Variants in FRMPD1 observed in about 807,000 individuals in gnomAD.
FRMPD1 encodes FERM and PDZ domain containing 1.
A neutral mutation model predicts 117.8 loss-of-function variants in FRMPD1; 76 were observed. The ratio of observed to expected loss-of-function variants is 0.65; its 90% CI spans 0.54 to 0.78. The LOEUF is 0.78. FRMPD1 is among the 30% of genes least tolerant of loss of function. FRMPD1 has a pLI of 0.00. For synonymous variants in FRMPD1, 783 were observed against 770.4 expected (o/e 1.02, Z -0.27); for missense variants, 1,786 against 1,964.5 (o/e 0.91, Z 1.72).
At chr9:37,615,039 A>T in the FRMPD1 span, among the ~76,000 whole-genome samples, 2 of 152,280 alleles carry the variant, frequency 1.3e-5, no homozygotes, top group East Asian at 3.9e-4. Flanking sequence ...CTCCTTCTTA[A>T]CCAGAGCCCC....
intron 1 of FRMPD1, among the ~76,000 whole-genome samples, chr9:37,684,480 AACC>A (rs1471976795): frequency 6.6e-6 from 1 of 152,204 alleles, no homozygotes; most frequent in African/African-American, 2.4e-5. Flanking sequence ...GATGAAGGGG[AACC>A]ACTGGGGGAT....
intron 7 of FRMPD1, among the ~76,000 whole-genome samples, chr9:37,724,575 C>G (rs560936761): frequency 6.6e-6 from 1 of 152,094 alleles, no homozygotes; most frequent in Admixed American, 6.5e-5. Context: ...AGTGACTTGC[C>G]CAAAGGTCAG....
intron 1 of FRMPD1, among the ~76,000 whole-genome samples, chr9:37,689,929 T>C (rs1448371700): frequency 6.6e-6 from 1 of 152,168 alleles, no homozygotes; most frequent in African/African-American, 2.4e-5. Context: ...TCTCTGGAAG[T>C]TTAGAAGATA....
At chr9:37,708,671 A>C (rs1297669167) in intron 4 of FRMPD1, among the ~76,000 whole-genome samples, 170 bp downstream of exon 4, 1 of 152,196 alleles carries the variant, frequency 6.6e-6, no homozygotes, top group Non-Finnish European at 1.5e-5. Flanking sequence ...GCTTCTTGTT[A>C]GTGGCTGTTA....
chr9:37,725,751 T>C (rs1263709700), intron 7 of FRMPD1, among the ~76,000 whole-genome samples: 3 of 152,188 alleles, frequency 2.0e-5, no homozygotes, highest in African/African-American at 4.8e-5. Context: ...AAGTAACTAG[T>C]GTTATCCCCA....
intron 13 of FRMPD1, among the ~76,000 whole-genome samples, chr9:37,736,501 C>T (rs1824132125): frequency 6.8e-6 from 1 of 146,818 alleles, no homozygotes; most frequent in African/African-American, 2.5e-5. Context: ...CATTGCACTC[C>T]AGCCTGGTGA....
the FRMPD1 span, among the ~76,000 whole-genome samples, chr9:37,639,530 A>G: frequency 3.3e-5 from 5 of 152,204 alleles, no homozygotes; most frequent in Non-Finnish European, 7.3e-5. Flanking sequence ...GAAGACATAC[A>G]TTATGTCTCC....
intron 1 of FRMPD1, among the ~76,000 whole-genome samples, chr9:37,689,027 C>G (rs1017265046): frequency 6.6e-6 from 1 of 152,004 alleles, no homozygotes; most frequent in African/African-American, 2.4e-5. Flanking sequence ...TGCCCCACTC[C>G]TCCTCACCCT....
At chr9:37,743,520 CTTTTTTTTTTTTTTTTTTTTT>C (rs531949141) in intron 15 of FRMPD1, among the ~76,000 whole-genome samples, 816 of 40,934 alleles carry the variant, frequency 0.02, 13 homozygotes, top group African/African-American at 0.053. Flanking sequence ...AATGGCTCTG[CTTTTTTTTTTTTTTTTTTTTT>C]TTTTTTTTTT....
At chr9:37,636,849 C>T in the FRMPD1 span, 1 of 1,611,684 alleles carries the variant, frequency 6.2e-7, no homozygotes, top group East Asian at 2.2e-5. Context: ...GCACTCGTCT[C>T]CAAGAAGGGG....
the FRMPD1 span, among the ~76,000 whole-genome samples, chr9:37,610,256 A>G: frequency 6.6e-6 from 1 of 152,198 alleles, no homozygotes; most frequent in African/African-American, 2.4e-5. Flanking sequence ...ATAATGATCA[A>G]ATCAGAGTCA....
chr9:37,630,120 C>T, the FRMPD1 span, among the ~76,000 whole-genome samples: 1 of 152,202 alleles, frequency 6.6e-6, no homozygotes, highest in Non-Finnish European at 1.5e-5. Flanking sequence ...AAGGCCCCAC[C>T]TTCTAAATCC....
intron 1 of FRMPD1, among the ~76,000 whole-genome samples, chr9:37,658,837 G>A (rs1820915870): frequency 6.6e-6 from 1 of 152,042 alleles, no homozygotes; most frequent in Non-Finnish European, 1.5e-5. Flanking sequence ...CACATTTACA[G>A]GTTCCTGGGA....
intron 1 of FRMPD1, among the ~76,000 whole-genome samples, chr9:37,677,257 G>A (rs889342922): frequency 6.6e-6 from 1 of 152,196 alleles, no homozygotes; most frequent in African/African-American, 2.4e-5. Flanking sequence ...AGCCCTGCAA[G>A]CCATTCTTGG....
At chr9:37,719,840 G>A (rs1159856297) in intron 6 of FRMPD1, among the ~76,000 whole-genome samples, 2 of 152,138 alleles carry the variant, frequency 1.3e-5, no homozygotes, top group African/African-American at 2.4e-5. Context: ...ATTTGTAAAG[G>A]GAAAATGTTG....
intron 1 of FRMPD1, among the ~76,000 whole-genome samples, chr9:37,689,228 C>T (rs1041889882): frequency 3.3e-5 from 5 of 152,042 alleles, no homozygotes; most frequent in African/African-American, 1.2e-4. Context: ...CATATCGTTC[C>T]AATATCATTA....
chr9:37,745,448 A>T lies in FRMPD1; in HGVS notation c.3416A>T (p.Asp1139Val). 2 of 1,613,884 alleles carry T rather than the reference A, an allele frequency of 1.2e-6. No homozygotes were observed. Among genetic ancestry groups the T allele is most frequent in the South Asian group, 2.2e-5 (2 of 91,068 alleles). Residue 1139 changes from aspartate to valine, a missense_variant, in exon 16 of 16, where the codon GAT (aspartate) becomes GTT (valine). Coordinates refer to ENST00000377765, the MANE Select transcript of FRMPD1 (RefSeq NM_014907.3). ...SRKDSGDSPG[D>V]VSNNVSQTLD... ...AAGGATTCAGGTGACTCCCCGGGTG[A>T]TGTGTCAAATAATGTTTCACAGACT...
chr9:37,604,783 G>A, the FRMPD1 span, among the ~76,000 whole-genome samples: 1 of 152,130 alleles, frequency 6.6e-6, no homozygotes, highest in Non-Finnish European at 1.5e-5. Context: ...GAAAAATGAG[G>A]GAACCAGCCA....
intron 8 of FRMPD1, 105 bp downstream of exon 8, chr9:37,729,958 G>A: frequency 8.2e-7 from 1 of 1,215,912 alleles, no homozygotes; most frequent in Non-Finnish European, 1.2e-6. Context: ...CAGGTTTGAT[G>A]CACTTTCTCT....
Sources: allele counts gnomAD v4.1 joint callset (sites outside exome capture counted in the v4.1 genomes callset), GRCh38; gene constraint gnomAD v4.1.1; transcripts MANE v1.5; gene names NCBI Gene and HGNC (gene_info 2026-07-23, HGNC 2026-07-21).